The following TAS2R1 variants were observed in gnomAD, a reference collection of about 807,000 sequenced individuals.
The protein encoded by TAS2R1 is taste receptor type 2 member 1.
For missense variants in TAS2R1, 370 were observed against 353.4 expected, an observed-to-expected ratio of 1.05 and a Z score of -0.38; for synonymous variants, 141 against 134.2, an observed-to-expected ratio of 1.05 and a Z score of -0.35.
the TAS2R1 span, chr5:9,890,037 T>C: frequency 6.6e-6 from 1 of 152,008 alleles, no homozygotes; most frequent in African/African-American, 2.4e-5. Context: ...ACAAGACAAC[T>C]GGGTTTAAGG....
At chr5:9,866,486 A>T in the TAS2R1 span, among the ~76,000 whole-genome samples, 1 of 152,228 alleles carries the variant, frequency 6.6e-6, no homozygotes, top group Non-Finnish European at 1.5e-5. Flanking sequence ...AAGACTTTGA[A>T]TAAGGTTATC....
At chr5:9,729,491 G>A in the TAS2R1 span, among the ~76,000 whole-genome samples, 2 of 152,094 alleles carry the variant, frequency 1.3e-5, no homozygotes, top group Non-Finnish European at 2.9e-5. Context: ...TTGGGCACAC[G>A]CCTTGGTGAC....
At chr5:9,892,022 A>C in the TAS2R1 span, among the ~76,000 whole-genome samples, 1 of 151,798 alleles carries the variant, frequency 6.6e-6, no homozygotes, top group African/African-American at 2.4e-5. Flanking sequence ...TCTTTTTCTT[A>C]TATATTTAAA....
the TAS2R1 span, among the ~76,000 whole-genome samples, chr5:9,824,528 T>A: frequency 4.6e-5 from 7 of 152,132 alleles, no homozygotes; most frequent in Non-Finnish European, 8.8e-5. Context: ...CTAACAGGAT[T>A]ACATCACAGG....
chr5:9,679,601 A>G (rs1472203266), intron 1 of TAS2R1, among the ~76,000 whole-genome samples: 2 of 152,202 alleles, frequency 1.3e-5, no homozygotes, highest in Admixed American at 6.5e-5. Context: ...TACTACTTAC[A>G]TGTACACTGG....
chr5:9,797,180 T>C, the TAS2R1 span, among the ~76,000 whole-genome samples: 1 of 152,172 alleles, frequency 6.6e-6, no homozygotes, highest in African/African-American at 2.4e-5. Flanking sequence ...CAGATGATTA[T>C]GCCTCCTCCC....
chr5:9,670,620 T>C (rs1184555878), intron 1 of TAS2R1, among the ~76,000 whole-genome samples: 8 of 152,088 alleles, frequency 5.3e-5, no homozygotes, highest in Admixed American at 4.6e-4. Flanking sequence ...GTTTCTTTTT[T>C]AACAGTTCCA....
the TAS2R1 span, among the ~76,000 whole-genome samples, chr5:9,866,179 A>C: frequency 6.6e-6 from 1 of 152,290 alleles, no homozygotes; most frequent in African/African-American, 2.4e-5. Context: ...CATGATGCCC[A>C]TTGATTGAAA....
the TAS2R1 span, among the ~76,000 whole-genome samples, chr5:9,791,142 C>T: frequency 2.0e-5 from 3 of 152,108 alleles, no homozygotes; most frequent in Non-Finnish European, 4.4e-5. Context: ...AAGCAGTATT[C>T]TAAATGACAT....
the TAS2R1 span, among the ~76,000 whole-genome samples, chr5:9,740,076 A>T: frequency 4.6e-5 from 7 of 152,200 alleles, no homozygotes; most frequent in African/African-American, 1.7e-4. Flanking sequence ...CCAAGTCCCC[A>T]GAGATGTTTT....
At chr5:9,770,163 G>T in the TAS2R1 span, among the ~76,000 whole-genome samples, 94 of 152,208 alleles carry the variant, frequency 6.2e-4, no homozygotes, top group African/African-American at 2.1e-3. Context: ...TTATTGAAGA[G>T]ATTATCCTTT....
At chr5:9,676,362 A>T (rs755950678) in intron 1 of TAS2R1, among the ~76,000 whole-genome samples, 1 of 152,200 alleles carries the variant, frequency 6.6e-6, no homozygotes, top group African/African-American at 2.4e-5. Flanking sequence ...AAAACTTACT[A>T]AAAAACTGCA....
chr5:9,853,272 G>A, the TAS2R1 span, among the ~76,000 whole-genome samples: 1,629 of 152,324 alleles, frequency 0.011, 30 homozygotes, highest in African/African-American at 0.033. Context: ...TTACAGCTTC[G>A]TGACTGCTCC....
At chr5:9,830,006 C>G in the TAS2R1 span, among the ~76,000 whole-genome samples, 1 of 151,852 alleles carries the variant, frequency 6.6e-6, no homozygotes, top group Non-Finnish European at 1.5e-5. Flanking sequence ...GACCATTGAC[C>G]TTGTCACACA....
At chr5:9,754,783 A>C in the TAS2R1 span, among the ~76,000 whole-genome samples, 7 of 152,250 alleles carry the variant, frequency 4.6e-5, no homozygotes, top group Non-Finnish European at 7.3e-5. Context: ...GCTCATGGGT[A>C]GGAAGAATTA....
upstream of TAS2R1, among the ~76,000 whole-genome samples, chr5:9,633,319 T>TATATATATATATATATATACATAC (rs1475834697): frequency 2.9e-5 from 4 of 137,526 alleles, no homozygotes; most frequent in African/African-American, 8.9e-5. Flanking sequence ...TATATATATA[T>TATATATATATATATATATACATAC]ACACAAATGT....
At chr5:9,863,634 G>A in the TAS2R1 span, among the ~76,000 whole-genome samples, 260 of 152,278 alleles carry the variant, frequency 1.7e-3, 1 homozygote, top group Non-Finnish European at 3.1e-3. Flanking sequence ...ACCTAACCCC[G>A]TGTTCCCTGA....
the TAS2R1 span, among the ~76,000 whole-genome samples, chr5:9,774,927 C>T: frequency 6.6e-6 from 1 of 152,332 alleles, no homozygotes; most frequent in South Asian, 2.1e-4. Flanking sequence ...GTAACCACTG[C>T]CCAGCTACCA....
the TAS2R1 span, among the ~76,000 whole-genome samples, chr5:9,823,206 G>A: frequency 1.3e-5 from 2 of 152,120 alleles, no homozygotes; most frequent in Admixed American, 1.3e-4. Context: ...TGATAAGAGT[G>A]TAAAATGCTA....
Sources: gnomAD v4.1 joint callset for allele counts (sites outside exome capture counted in the v4.1 genomes callset) on GRCh38, gnomAD v4.1.1 for gene constraint, MANE v1.5 for transcripts, NCBI Gene and HGNC (gene_info 2026-07-23, HGNC 2026-07-21) for gene names.